ANKHD1: variants seen among roughly 807,000 people sequenced by gnomAD.
The protein encoded by ANKHD1 is ankyrin repeat and KH domain-containing protein 1.
In ANKHD1, 31 loss-of-function variants were observed where a neutral mutation model predicts 230.5. The observed-to-expected ratio is 0.13, with a 90% confidence interval of 0.10 to 0.18. The LOEUF (loss-of-function observed/expected upper bound fraction) is 0.18. Ranked by LOEUF, ANKHD1 falls within the 10% of genes least tolerant of loss-of-function variation. The probability of loss-of-function intolerance (pLI) is 1.00; values close to 1 mark genes in which losing one functional copy is unlikely to be tolerated. For synonymous variants in ANKHD1, 1,074 were observed against 1,117.6 expected, an observed-to-expected ratio of 0.96 and a Z score of 0.78; for missense variants, 2,256 against 3,071.3, an observed-to-expected ratio of 0.73 and a Z score of 6.27.
At chr5:140,462,260 G>C (rs1266941226) in intron 9 of ANKHD1, among the ~76,000 whole-genome samples, 1 of 151,306 alleles carries the variant, frequency 6.6e-6, no homozygotes, top group Non-Finnish European at 1.5e-5. Context: ...CTCTCTTTTT[G>C]TGATATTATT....
intron 1 of ANKHD1, among the ~76,000 whole-genome samples, chr5:140,433,353 CCA>C (rs755549831): frequency 2.8e-4 from 42 of 152,208 alleles, no homozygotes; most frequent in Non-Finnish European, 4.7e-4. Context: ...GCATGAGCCA[CCA>C]CACCCAGCCT....
chr5:140,406,021 G>T (rs941232421), intron 1 of ANKHD1, among the ~76,000 whole-genome samples: 1 of 151,962 alleles, frequency 6.6e-6, no homozygotes, highest in African/African-American at 2.4e-5. Context: ...GGGTGGATCA[G>T]CTGAGGTCAG....
At chr5:140,471,677 G>T (rs1415499057) in intron 10 of ANKHD1, among the ~76,000 whole-genome samples, 1 of 152,166 alleles carries the variant, frequency 6.6e-6, no homozygotes, top group South Asian at 2.1e-4. Context: ...GGTTTCCTAA[G>T]TTGTATCCCT....
intron 9 of ANKHD1, among the ~76,000 whole-genome samples, chr5:140,462,733 A>AAAAAAAAAAG (rs1775799239): frequency 6.6e-6 from 1 of 151,516 alleles, no homozygotes; most frequent in Non-Finnish European, 1.5e-5. Context: ...TCAAAAAAAA[A>AAAAAAAAAAG]AAAAAAGAAT....
chr5:140,524,897 G>A, intron 25 of ANKHD1: 1 of 239,906 alleles, frequency 4.2e-6, no homozygotes, highest in East Asian at 1.4e-4. Context: ...TCAGGAGTTT[G>A]AGACCAGCCT....
intron 1 of ANKHD1, among the ~76,000 whole-genome samples, chr5:140,402,543 C>G (rs1216722837): frequency 6.6e-6 from 1 of 152,208 alleles, no homozygotes; most frequent in Admixed American, 6.5e-5. Flanking sequence ...ACTCCTCAGG[C>G]TGCCTCCCGC....
At chr5:140,514,425 C>T (rs994959633) in intron 24 of ANKHD1, among the ~76,000 whole-genome samples, 1 of 151,870 alleles carries the variant, frequency 6.6e-6, no homozygotes, top group African/African-American at 2.4e-5. Flanking sequence ...GCCCAGGAGG[C>T]AGAGGTTGCA....
chr5:140,535,998 T>G (rs912780981), intron 30 of ANKHD1: 2 of 152,278 alleles, frequency 1.3e-5, no homozygotes, highest in Non-Finnish European at 2.9e-5. Flanking sequence ...GTTGAATTTT[T>G]GTATATGGTC....
At chr5:140,514,933 TGA>T (rs10537437) in intron 24 of ANKHD1, among the ~76,000 whole-genome samples, 3,146 of 150,044 alleles carry the variant, frequency 0.021, 113 homozygotes, top group African/African-American at 0.073. Context: ...GATTGTGCAA[TGA>T]GCCACTGCAC....
chr5:140,520,787 G>T (rs973939165), intron 24 of ANKHD1, among the ~76,000 whole-genome samples: 2 of 131,120 alleles, frequency 1.5e-5, no homozygotes, highest in Non-Finnish European at 3.3e-5. Flanking sequence ...TGTGGGGTGG[G>T]GGGGAGGGGG....
chr5:140,460,344 G>A (rs374989631), intron 9 of ANKHD1, among the ~76,000 whole-genome samples: 6 of 151,372 alleles, frequency 4.0e-5, no homozygotes, highest in African/African-American at 7.3e-5. Context: ...TTTTTACCAC[G>A]TCTGATATAT....
At chr5:140,468,959 A>G (rs1304833770) in intron 10 of ANKHD1, among the ~76,000 whole-genome samples, 1 of 152,098 alleles carries the variant, frequency 6.6e-6, no homozygotes, top group Non-Finnish European at 1.5e-5. Flanking sequence ...TTGTTTCGGG[A>G]GGTCCACATC....
chr5:140,407,551 G>A (rs1233565516), intron 1 of ANKHD1, among the ~76,000 whole-genome samples: 3 of 151,320 alleles, frequency 2.0e-5, no homozygotes, highest in African/African-American at 7.3e-5. Flanking sequence ...TCTAACTAGA[G>A]GTGTACTCCA....
chr5:140,538,999 T>A lies in ANKHD1; in HGVS notation c.7485T>A (p.Phe2495Leu). ...CTGATGTTCCAGGAGGCCCTCTGTTTAATGGACTTCACAATCCAGATCCTG... is the reference window on the plus strand; with the variant it reads ...CTGATGTTCCAGGAGGCCCTCTGTTAAATGGACTTCACAATCCAGATCCTG... ...QLADVPGGPLFNGLHNPDPAW... is the reference protein window; with the variant it reads ...QLADVPGGPLLNGLHNPDPAW... The change falls in exon 33 of 34, where the codon TTT (phenylalanine) becomes TTA (leucine). Residue 2495 changes from phenylalanine (F) to leucine (L), a missense_variant. Physicochemically the swap from Phe to Leu is conservative, Grantham distance 22 (BLOSUM62 0). Coordinates refer to ENST00000360839, the MANE Select transcript of ANKHD1 (RefSeq NM_017747.3). The A allele has an allele frequency of 6.2e-7, 1 of 1,612,832 alleles. No individual in the cohort carries two copies. The highest frequency in any genetic ancestry group is 8.5e-7 in the Non-Finnish European group (1 of 1,179,424).
chr5:140,472,211 C>G (rs1776541393), intron 10 of ANKHD1: 2 of 1,604,894 alleles, frequency 1.2e-6, no homozygotes, highest in Non-Finnish European at 1.7e-6. Flanking sequence ...GGAATAAGAT[C>G]CGTGAGTTCT....
intron 8 of ANKHD1, 95 bp from the exon 9 acceptor site, chr5:140,459,069 C>A: frequency 1.8e-6 from 2 of 1,128,890 alleles, no homozygotes; most frequent in Non-Finnish European, 2.2e-6. Context: ...ACCACAGAAG[C>A]AGAGAAGACA....
chr5:140,453,172 A>G (rs1053819288), intron 7 of ANKHD1, among the ~76,000 whole-genome samples: 15 of 152,210 alleles, frequency 9.9e-5, no homozygotes, highest in Non-Finnish European at 4.4e-5. Context: ...AAAAAAGGGT[A>G]AAAAGAAATG....
At chr5:140,509,254 T>C (rs1405658447) in intron 20 of ANKHD1, among the ~76,000 whole-genome samples, 1 of 152,234 alleles carries the variant, frequency 6.6e-6, no homozygotes, top group East Asian at 1.9e-4. Flanking sequence ...GAAAAAATGT[T>C]GGAGACTAAC....
chr5:140,505,011 T>G (rs754442131), intron 16 of ANKHD1, 45 bp downstream of exon 16: 1 of 1,607,660 alleles, frequency 6.2e-7, no homozygotes, highest in African/African-American at 1.3e-5. Context: ...CATTCTGATC[T>G]TCTTTGGAAA....
Sources: gnomAD v4.1 joint callset for allele counts (sites outside exome capture counted in the v4.1 genomes callset) on GRCh38, gnomAD v4.1.1 for gene constraint, MANE v1.5 for transcripts, NCBI Gene and HGNC (gene_info 2026-07-23, HGNC 2026-07-21) for gene names.